STOX1: variants seen among roughly 807,000 people sequenced by gnomAD.
The protein encoded by STOX1 is storkhead-box protein 1.
In STOX1, 57 loss-of-function variants were observed where a neutral mutation model predicts 74.8. The ratio of observed to expected loss-of-function variants is 0.76; its 90% CI spans 0.62 to 0.95. The LOEUF (loss-of-function observed/expected upper bound fraction) is 0.95. Ranked by LOEUF, STOX1 falls within the 40% of genes least tolerant of loss-of-function variation. The pLI is 0.00. For synonymous variants in STOX1, 375 were observed against 401.3 expected (o/e 0.93, Z 0.78); for missense variants, 1,010 against 1,117.0 (o/e 0.90, Z 1.37).
intron 1 of STOX1, among the ~76,000 whole-genome samples, chr10:68,854,454 G>A (rs1485756845): frequency 1.3e-5 from 2 of 151,702 alleles, no homozygotes; most frequent in Non-Finnish European, 2.9e-5. Flanking sequence ...ATGCCACCAC[G>A]CCTGGCTAAT....
intron 1 of STOX1, among the ~76,000 whole-genome samples, chr10:68,842,432 T>C (rs781744690): frequency 1.3e-5 from 2 of 152,192 alleles, no homozygotes; most frequent in East Asian, 1.9e-4. Flanking sequence ...TATTCCATGA[T>C]AATTGACTCT....
chr10:68,874,458 T>C (rs1589232613), intron 1 of STOX1, among the ~76,000 whole-genome samples: 3 of 152,160 alleles, frequency 2.0e-5, no homozygotes, highest in Admixed American at 6.5e-5. Flanking sequence ...GTACCTACGA[T>C]CTGTAAGCCC....
chr10:68,888,802 ATTTTTTT>A (rs35174437), intron 3 of STOX1, among the ~76,000 whole-genome samples: 2 of 32,042 alleles, frequency 6.2e-5, no homozygotes, highest in Non-Finnish European at 1.0e-4. Flanking sequence ...TGCCCAGCTA[ATTTTTTT>A]TTTTTTTTTT....
intron 1 of STOX1, among the ~76,000 whole-genome samples, chr10:68,852,781 A>G (rs1053303840): frequency 6.7e-6 from 1 of 149,686 alleles, no homozygotes; most frequent in Non-Finnish European, 1.5e-5. Context: ...TCGCTCTGTC[A>G]CTCAGAATCA....
intron 1 of STOX1, among the ~76,000 whole-genome samples, chr10:68,873,050 C>T (rs1840573642): frequency 1.3e-5 from 2 of 151,938 alleles, no homozygotes; most frequent in Admixed American, 6.6e-5. Flanking sequence ...TGCTCTGTCA[C>T]CCAGGCTTCA....
chr10:68,828,246 G>T, intron 1 of STOX1: 1 of 1,101,482 alleles, frequency 9.1e-7, no homozygotes, highest in Non-Finnish European at 1.1e-6. Flanking sequence ...CGGCCGCCGC[G>T]CGGCTTCCGC....
chr10:68,851,299 T>TAAAAAAAAA (rs35166698), intron 1 of STOX1, among the ~76,000 whole-genome samples: 1 of 108,636 alleles, frequency 9.2e-6, no homozygotes. Context: ...TGAGACTTTC[T>TAAAAAAAAA]AAAAAAAAAA....
chr10:68,860,267 C>CGG lies in STOX1; in HGVS notation c.311-21690_311-21689dup, dbSNP rs202014254. Among the ~76,000 whole-genome samples the CGG allele has an allele frequency of 1.1e-3, 170 of 149,960 alleles. 2 individuals carry two copies. Among genetic ancestry groups the CGG allele is most frequent in the Middle Eastern group, 3.5e-3 (1 of 288 alleles). On this transcript the variant is annotated intron_variant, in intron 1 of 3. Transcript: ENST00000298596. ...TCGGTGACAGAGCAAGACTCTGTCT[C>CGG]GGTGGGGGAAAGAGTCTCATTGGTC...
intron 1 of STOX1, among the ~76,000 whole-genome samples, chr10:68,868,155 A>G (rs553233116): frequency 3.9e-5 from 6 of 152,354 alleles, no homozygotes; most frequent in Admixed American, 3.9e-4. Flanking sequence ...TGGAGATCCC[A>G]ATCCAGCGGT....
intron 3 of STOX1, among the ~76,000 whole-genome samples, chr10:68,890,429 C>CT (rs1589240254): frequency 6.6e-6 from 1 of 152,180 alleles, no homozygotes; most frequent in East Asian, 1.9e-4. Flanking sequence ...TCTCAAAGTG[C>CT]TAGGGTTGTA....
intron 1 of STOX1, among the ~76,000 whole-genome samples, chr10:68,843,549 G>C (rs930448365): frequency 1.3e-5 from 2 of 151,666 alleles, no homozygotes; most frequent in African/African-American, 2.4e-5. Flanking sequence ...TTTTGTTGTT[G>C]TTGTTGTTGT....
chr10:68,853,298 C>G (rs1840036388), intron 1 of STOX1, among the ~76,000 whole-genome samples: 1 of 152,126 alleles, frequency 6.6e-6, no homozygotes, highest in South Asian at 2.1e-4. Context: ...AGCACTTATT[C>G]AGCTATTGCC....
At chr10:68,892,450 A>T in intron 3 of STOX1, 139 bp from the exon 4 acceptor site, 1 of 783,278 alleles carries the variant, frequency 1.3e-6, no homozygotes, top group Non-Finnish European at 2.1e-6. Flanking sequence ...TCGGATTTTT[A>T]AAGGTTAACT....
intron 1 of STOX1, among the ~76,000 whole-genome samples, chr10:68,829,286 C>T (rs552239678): frequency 6.6e-6 from 1 of 152,330 alleles, no homozygotes; most frequent in African/African-American, 2.4e-5. Flanking sequence ...ACCAGCCTGG[C>T]TAACATGCTG....
At chr10:68,878,697 C>G (rs1688020667) in intron 1 of STOX1, among the ~76,000 whole-genome samples, 1 of 152,178 alleles carries the variant, frequency 6.6e-6, no homozygotes, top group Admixed American at 6.5e-5. Flanking sequence ...AGTCCTTTAT[C>G]TTCATGCAGA....
intron 1 of STOX1, among the ~76,000 whole-genome samples, chr10:68,858,830 G>A (rs1034916243): frequency 1.3e-5 from 2 of 152,076 alleles, no homozygotes; most frequent in Admixed American, 6.5e-5. Flanking sequence ...TAGGAGAGAA[G>A]CAGGCAAGGC....
At position 68,881,985 on chromosome 10, in the gene STOX1, C is replaced by G. The variant is rs1259087465; in HGVS notation, c.338C>G (p.Pro113Arg). ...VGDVFPVQMN[P>R]ITQSQFVPLG... is the part of the protein sequence containing the mutation. ...GATGTCTTTCCAGTGCAAATGAATC[C>G]AATAACTCAATCTCAGTTCGTACCT... Residue 113 changes from proline to arginine, a missense_variant, in exon 2 of 4, where the codon CCA becomes CGA. Pro to Arg is a moderately radical substitution (Grantham distance 103). Coordinates refer to ENST00000298596, the MANE Select transcript of STOX1 (RefSeq NM_152709.5). 6.2e-7 allele frequency: 1 copy of G among 1,613,584 alleles called. No individual in the cohort carries two copies. The highest frequency in any genetic ancestry group is 8.5e-7 in the Non-Finnish European group (1 of 1,179,884).
intron 1 of STOX1, among the ~76,000 whole-genome samples, chr10:68,862,941 T>G (rs1288748245): frequency 6.6e-6 from 1 of 152,068 alleles, no homozygotes; most frequent in Non-Finnish European, 1.5e-5. Context: ...GCAGATTCAT[T>G]ATGGTAAGTG....
intron 3 of STOX1, among the ~76,000 whole-genome samples, chr10:68,887,072 T>C (rs1278707086): frequency 6.6e-6 from 1 of 152,220 alleles, no homozygotes; most frequent in East Asian, 1.9e-4. Context: ...CTGAATAAAT[T>C]GTATAAAGTT....
Sources: allele counts gnomAD v4.1 joint callset (sites outside exome capture counted in the v4.1 genomes callset), GRCh38; gene constraint gnomAD v4.1.1; transcripts MANE v1.5; gene names NCBI Gene and HGNC (gene_info 2026-07-23, HGNC 2026-07-21).